HEATR6: variants seen among roughly 807,000 people sequenced by gnomAD.
HEATR6 encodes HEAT repeat-containing protein 6.
Under a neutral mutation model 132.8 loss-of-function variants are expected in HEATR6, and 106 were observed. That is an observed-to-expected ratio of 0.80 (90% CI 0.68 to 0.94). HEATR6 has a LOEUF of 0.94. Among genes scored for constraint, HEATR6 ranks in the 40% least tolerant of loss-of-function variants. HEATR6 has a pLI of 0.00. For synonymous variants in HEATR6, 529 were observed against 537.8 expected (o/e 0.98, Z 0.23); for missense variants, 1,339 against 1,425.1 (o/e 0.94, Z 0.97).
In HEATR6 at chr17:60,043,249, C is replaced by T. The variant is rs1485537541; in HGVS notation, c.*314G>A. The stretch of plus-strand genomic sequence containing the variant: ...GATACAATACACAAAATTCTAATTC[C>T]GAAATCCTTCTACATTTTTTTTTTC... On this transcript the variant is annotated 3_prime_UTR_variant, in exon 20 of 20. Transcript: ENST00000184956. 12 of 310,754 alleles carry T rather than the reference C, an allele frequency of 3.9e-5. No individual in the cohort carries two copies. The highest frequency in any genetic ancestry group is 7.6e-4 in the Middle Eastern group (2 of 2,636). The allele number at this position is 310,754 out of a possible 1,614,324, so 19.2% of individuals were successfully genotyped here. A position where few individuals can be genotyped will look rare whatever the true frequency, so the allele number is the denominator to read the frequency against.
Position 60,057,373 on chromosome 17 carries a change from A to C in HEATR6, c.1754T>G (p.Leu585Arg). ...DVNVRVSSLT[L>R]LGAIVSTHAP... Reference sequence around the variant, plus strand: ...GTGGGTGGACACTATAGCTCCCAAGAGTGTGAGACTTGACACACGAACATT... The same window carrying C: ...GTGGGTGGACACTATAGCTCCCAAGCGTGTGAGACTTGACACACGAACATT... Residue 585 changes from leucine to arginine, a missense_variant, in exon 12 of 20, where the codon CTC becomes CGC. Transcript: ENST00000184956. 1 of 1,606,368 alleles carries C rather than the reference A, an allele frequency of 6.2e-7. No individual in the cohort carries two copies. Among genetic ancestry groups the C allele is most frequent in the Non-Finnish European group, 8.5e-7 (1 of 1,175,160 alleles).
Position 60,055,592 on chromosome 17 carries a change from C to A in HEATR6, c.2212G>T (p.Glu738Ter). Residue 738 changes from glutamate to a stop codon, truncating the protein, a stop_gained, in exon 14 of 20, where the codon GAA becomes TAA. Transcript: ENST00000184956. LOFTEE classifies it high-confidence loss of function. ...IQLHGAKLLE[E>*]LGTGLIQQYK... is the part of the protein sequence containing the mutation. ...TGCTGTATTAAGCCTGTGCCCAGTTCTTCCAGAAGCTGCCAAGAAAAAGAA... is the reference window on the plus strand; with the variant it reads ...TGCTGTATTAAGCCTGTGCCCAGTTATTCCAGAAGCTGCCAAGAAAAAGAA... 1 of 1,609,278 alleles carries A rather than the reference C, an allele frequency of 6.2e-7. No individual in the cohort carries two copies. The highest frequency in any genetic ancestry group is 8.5e-7 in the Non-Finnish European group (1 of 1,177,736).
chr17:60,059,648 T>C (rs1906868252), intron 10 of HEATR6, 127 bp from the exon 11 acceptor site: 1 of 674,118 alleles, frequency 1.5e-6, no homozygotes, highest in South Asian at 1.9e-5. Context: ...TTTTTTTTAA[T>C]AACACTTGTA....
At chr17:60,070,940 C>T in intron 5 of HEATR6, 133 bp from the exon 6 acceptor site, 1 of 585,420 alleles carries the variant, frequency 1.7e-6, no homozygotes, top group Non-Finnish European at 3.1e-6. Flanking sequence ...TATAGACACA[C>T]ATATACACAC....
At chr17:60,056,703 A>G (rs1906753962) in intron 12 of HEATR6, among the ~76,000 whole-genome samples, 1 of 152,210 alleles carries the variant, frequency 6.6e-6, no homozygotes, top group Non-Finnish European at 1.5e-5. Flanking sequence ...ACCAAGGAAA[A>G]GCTTATAGAG....
At chr17:60,077,419 G>T (rs1375281445) in intron 1 of HEATR6, among the ~76,000 whole-genome samples, 2 of 152,216 alleles carry the variant, frequency 1.3e-5, no homozygotes, top group African/African-American at 4.8e-5. Context: ...GGAGAGAATG[G>T]AAGTTTTGTT....
Position 60,046,130 on chromosome 17 carries a change from T to C in HEATR6, c.2869A>G (p.Ile957Val), listed in dbSNP as rs1906357444. ...AGAACAGTAGAAATTAGGGCCTGGA[T>C]AGACTCCTCAATGATTTCTGCAAAT... ...PTFAEIIEESIQALISTVLTE... is the reference protein window; with the variant it reads ...PTFAEIIEESVQALISTVLTE... Residue 957 changes from isoleucine (I) to valine (V), a missense_variant, in exon 19 of 20, where the codon ATC (isoleucine) becomes GTC (valine). By Grantham distance (29) the Ile-to-Val change is conservative. Transcript: ENST00000184956. 6.2e-7 allele frequency: 1 copy of C among 1,613,896 alleles called. No individual in the cohort carries two copies. The highest frequency in any genetic ancestry group is 2.2e-5 in the East Asian group (1 of 44,880).
chr17:60,075,301 A>G (rs956994934), intron 2 of HEATR6, among the ~76,000 whole-genome samples: 1 of 152,196 alleles, frequency 6.6e-6, no homozygotes, highest in African/African-American at 2.4e-5. Context: ...GCCTCTTATT[A>G]TTAAGGGGCT....
intron 19 of HEATR6, 26 bp from the exon 20 acceptor site, chr17:60,044,160 A>T (rs576385550): frequency 6.4e-7 from 1 of 1,565,818 alleles, no homozygotes; most frequent in Admixed American, 1.8e-5. Flanking sequence ...AGTCACTAAA[A>T]CAAATGCAGG....
At chr17:60,047,163 C>T (rs1352429105) in intron 18 of HEATR6, 146 bp downstream of exon 18, 4 of 506,716 alleles carry the variant, frequency 7.9e-6, no homozygotes, top group Non-Finnish European at 1.4e-5. Context: ...GCCATTTATA[C>T]CCTGAGCACA....
intron 14 of HEATR6, among the ~76,000 whole-genome samples, chr17:60,053,669 G>A (rs1906654361): frequency 6.6e-6 from 1 of 152,172 alleles, no homozygotes; most frequent in African/African-American, 2.4e-5. Flanking sequence ...TGGAGGAAAG[G>A]TCACCTTTGT....
rs1231334938 is a variant in HEATR6 at position 60,066,313 on chromosome 17, C to T, written c.1312G>A (p.Val438Ile). 6.2e-7 allele frequency: 1 copy of T among 1,613,436 alleles called. No individual in the cohort carries two copies. The highest frequency in any genetic ancestry group is 1.1e-5 in the South Asian group (1 of 91,006). Residue 438 changes from valine to isoleucine, a missense_variant, in exon 9 of 20, where the codon GTT becomes ATT. Physicochemically the swap from Val to Ile is conservative, Grantham distance 29 (BLOSUM62 3). Transcript: ENST00000184956. The stretch of plus-strand genomic sequence containing the variant: ...AAAGCTGACCAGTAGCCATAAAGAA[C>T]TTTTTTTTCTATCGATTTTATAGTA... ...LSTIKSIEKK[V>I]LYGYWSAFIP...
intron 14 of HEATR6, among the ~76,000 whole-genome samples, chr17:60,053,670 T>C (rs1568615063): frequency 6.6e-6 from 1 of 152,080 alleles, no homozygotes; most frequent in South Asian, 2.1e-4. Flanking sequence ...GGAGGAAAGG[T>C]CACCTTTGTT....
Position 60,057,106 on chromosome 17 carries a change from G to A in HEATR6, c.2021C>T (p.Ala674Val), listed in dbSNP as rs766344651. Residue 674 changes from alanine to valine, a missense_variant, in exon 12 of 20, where the codon GCT becomes GTT. Ala to Val is a moderately conservative substitution (Grantham distance 64). Transcript: ENST00000184956. ...GTAGGTGCTTCCTGCTGCAGAGCCA[G>A]CATCGCTACCTGAACAGGAATCCTC... ...PKEDSCSGSD[A>V]GSAAGSTYEP... 5 of 1,613,924 alleles carry A rather than the reference G, an allele frequency of 3.1e-6. No homozygotes were observed. Among genetic ancestry groups the A allele is most frequent in the African/African-American group, 1.3e-5 (1 of 74,938 alleles).
chr17:60,047,440 G>A (rs1281678972), intron 17 of HEATR6, 35 bp from the exon 18 acceptor site: 4 of 1,268,988 alleles, frequency 3.2e-6, no homozygotes, highest in Non-Finnish European at 3.4e-6. Flanking sequence ...CATGTTAAAA[G>A]GTAAATACAC....
intron 8 of HEATR6, 43 bp from the exon 9 acceptor site, chr17:60,066,429 AT>A (rs552083867): frequency 4.3e-6 from 6 of 1,408,684 alleles, no homozygotes; most frequent in Non-Finnish European, 5.8e-6. Flanking sequence ...TTAAAAAATC[AT>A]TTTTTTAAAA....
chr17:60,045,069 G>A (rs529468578), intron 19 of HEATR6, among the ~76,000 whole-genome samples: 49 of 152,274 alleles, frequency 3.2e-4, no homozygotes, highest in African/African-American at 9.4e-4. Flanking sequence ...GTAGGCTGAG[G>A]GCAAGGGCCA....
chr17:60,048,337 CTT>C lies in HEATR6; in HGVS notation c.2597_2598del (p.Glu866GlyfsTer55). 6.2e-7 allele frequency: 1 copy of C among 1,613,570 alleles called. No homozygotes were observed. Among genetic ancestry groups the C allele is most frequent in the Middle Eastern group, 1.7e-4 (1 of 6,060 alleles). ...TTGGCTCGAACATTCAGAGACTTGT[CTT>C]CAAGTGACATCAATATTGCATTTGC... ...DAANAILMSL[E>X]DKSLNVRAKA... On this transcript the variant is annotated frameshift_variant, in exon 17 of 20. Coordinates refer to ENST00000184956, the MANE Select transcript of HEATR6 (RefSeq NM_022070.5). LOFTEE classifies it high-confidence loss of function.
At chr17:60,048,067 CTT>C (rs1906432220) in intron 17 of HEATR6, among the ~76,000 whole-genome samples, 195 bp downstream of exon 17, 1 of 152,138 alleles carries the variant, frequency 6.6e-6, no homozygotes, top group Non-Finnish European at 1.5e-5. Flanking sequence ...ACATATATAT[CTT>C]AATGCATTCC....
Sources: gnomAD v4.1 joint callset for allele counts (sites outside exome capture counted in the v4.1 genomes callset) on GRCh38, gnomAD v4.1.1 for gene constraint, MANE v1.5 for transcripts, NCBI Gene and HGNC (gene_info 2026-07-23, HGNC 2026-07-21) for gene names.